The following SORCS1 variants were observed in gnomAD, a reference collection of about 807,000 sequenced individuals.
The protein encoded by SORCS1 is VPS10 domain-containing receptor SorCS1.
In SORCS1, 60 loss-of-function variants were observed where a neutral mutation model predicts 146.1. The observed-to-expected ratio is 0.41, with a 90% CI of 0.33 to 0.51. The LOEUF is 0.51. Among genes scored for constraint, SORCS1 ranks in the 20% least tolerant of loss-of-function variants. The pLI is 0.21. For synonymous variants in SORCS1, 637 were observed against 584.0 expected (o/e 1.09, Z -1.31); for missense variants, 1,352 against 1,487.6 (o/e 0.91, Z 1.50).
intron 19 of SORCS1, among the ~76,000 whole-genome samples, chr10:106,624,346 A>ATTT (rs57785797): frequency 2.9e-5 from 2 of 69,448 alleles, no homozygotes; most frequent in Admixed American, 2.1e-4. Flanking sequence ...GTCAATGACG[A>ATTT]TTTTTTTTTT....
rs796848219 is a variant in SORCS1, at chr10:106,600,397, A to G, written c.3166-2947T>C. 8.9e-5 allele frequency: 87 copies of G among 979,474 alleles called. No individual in the cohort carries two copies. The African/African-American group carries it at 1.2e-3, about 14-fold the overall frequency. 60.7% of individuals were successfully genotyped at this position (979,474 alleles called of 1,614,324 possible). A position where few individuals can be genotyped will look rare whatever the true frequency, so the allele number is the denominator to read the frequency against. On this transcript the variant is annotated intron_variant, in intron 23 of 25. Coordinates refer to ENST00000263054, the MANE Select transcript of SORCS1 (RefSeq NM_052918.5). ...TTCAACAATGAACACATGCTTTGTG[A>G]GAAAAAATTTGCATAAGAAAACAAA...
chr10:106,806,203 A>G (rs1406133490), intron 3 of SORCS1, among the ~76,000 whole-genome samples: 3 of 150,852 alleles, frequency 2.0e-5, no homozygotes, highest in Non-Finnish European at 4.4e-5. Context: ...CCCCGTCTCT[A>G]CTAAAAATGC....
intron 1 of SORCS1, among the ~76,000 whole-genome samples, chr10:107,126,526 A>C (rs113751123): frequency 2.6e-5 from 4 of 152,296 alleles, no homozygotes; most frequent in African/African-American, 9.6e-5. Context: ...AAAGAGAAGA[A>C]CCTTGTGAGA....
chr10:106,988,901 T>C (rs890022074), intron 1 of SORCS1, among the ~76,000 whole-genome samples: 1 of 152,034 alleles, frequency 6.6e-6, no homozygotes, highest in Non-Finnish European at 1.5e-5. Flanking sequence ...AATCTTGTAC[T>C]GATGAGACAA....
At chr10:106,831,026 C>T (rs1948521875) in intron 2 of SORCS1, among the ~76,000 whole-genome samples, 1 of 152,068 alleles carries the variant, frequency 6.6e-6, no homozygotes, top group South Asian at 2.1e-4. Context: ...AACCCTGTCT[C>T]TACTAAAAAT....
intron 1 of SORCS1, among the ~76,000 whole-genome samples, chr10:107,096,585 C>A (rs1964557745): frequency 6.6e-6 from 1 of 152,166 alleles, no homozygotes; most frequent in Non-Finnish European, 1.5e-5. Flanking sequence ...AATCTTGGCT[C>A]ACTGCAAGCT....
intron 2 of SORCS1, among the ~76,000 whole-genome samples, chr10:106,886,376 G>T (rs1372470744): frequency 6.6e-6 from 1 of 152,086 alleles, no homozygotes; most frequent in African/African-American, 2.4e-5. Context: ...CACCATGGTG[G>T]ATTATTTTCT....
intron 1 of SORCS1, among the ~76,000 whole-genome samples, chr10:107,098,798 G>A (rs1409104906): frequency 6.6e-6 from 1 of 152,130 alleles, no homozygotes; most frequent in Non-Finnish European, 1.5e-5. Context: ...TGGCTCTCAT[G>A]TATTACTCTG....
chr10:106,612,305 G>A lies in SORCS1; in HGVS notation c.2921-282C>T, dbSNP rs182402653. Among the ~76,000 whole-genome samples the A allele has an allele frequency of 2.3e-3, 347 of 151,662 alleles. 1 individual carries two copies. The highest frequency in any genetic ancestry group is 3.9e-3 in the Non-Finnish European group (262 of 67,840). ...CAGAGGGAGGGGGCTACAAAGCTGA[G>A]AGAGGAGACCACCCCCCCAGACTAC... On this transcript the variant is annotated intron_variant, in intron 21 of 25. Transcript: ENST00000263054.
intron 16 of SORCS1, among the ~76,000 whole-genome samples, chr10:106,668,493 G>T (rs1354531743): frequency 2.6e-5 from 4 of 152,172 alleles, no homozygotes; most frequent in African/African-American, 4.8e-5. Context: ...CCTCTGAGTT[G>T]CCTGATATTC....
chr10:106,902,043 C>CAA (rs1313705147), intron 2 of SORCS1, among the ~76,000 whole-genome samples: 7 of 122,788 alleles, frequency 5.7e-5, no homozygotes, highest in African/African-American at 2.1e-4. Flanking sequence ...GACTCTGTCT[C>CAA]AAAAAAAAAA....
chr10:106,930,526 T>C (rs565328724), intron 2 of SORCS1, among the ~76,000 whole-genome samples: 1 of 152,326 alleles, frequency 6.6e-6, no homozygotes, highest in East Asian at 1.9e-4. Context: ...TGTATGTTCA[T>C]GTGTGTATTT....
Position 106,790,568 on chromosome 10 carries a change from C to CT in SORCS1, c.727-13877dup, listed in dbSNP as rs144459865. Among the ~76,000 whole-genome samples the CT allele has an allele frequency of 3.0e-4, 45 of 152,140 alleles. 1 individual carries two copies. In the East Asian group the frequency reaches 8.5e-3, roughly 29 times the overall value. On this transcript the variant is annotated intron_variant, in intron 3 of 25. Transcript: ENST00000263054. ...TCTGGTGAGTTTCAGTTATTTGATACTTTTTTTTGAGAGGCTTGAAGGTCC... is the reference window on the plus strand; with the variant it reads ...TCTGGTGAGTTTCAGTTATTTGATACTTTTTTTTTGAGAGGCTTGAAGGTCC...
intron 3 of SORCS1, among the ~76,000 whole-genome samples, chr10:106,787,767 G>A (rs187039300): frequency 6.6e-6 from 1 of 152,310 alleles, no homozygotes; most frequent in East Asian, 1.9e-4. Context: ...TATAGGCAAG[G>A]ATCCTCATCA....
intron 2 of SORCS1, among the ~76,000 whole-genome samples, chr10:106,879,266 C>G (rs184596503): frequency 3.3e-5 from 5 of 152,328 alleles, no homozygotes; most frequent in African/African-American, 4.8e-5. Context: ...ACCCTACTCA[C>G]TTGTATCAGT....
Position 106,618,131 on chromosome 10 carries a change from A to C in SORCS1, c.2920+18T>G. The C allele has an allele frequency of 3.7e-6, 6 of 1,613,758 alleles. No individual in the cohort carries two copies. Among genetic ancestry groups the C allele is most frequent in the Non-Finnish European group, 5.1e-6 (6 of 1,179,764 alleles). On this transcript the variant is annotated intron_variant, in intron 21 of 25. Coordinates refer to ENST00000263054, the MANE Select transcript of SORCS1 (RefSeq NM_052918.5). Reference sequence around the variant, plus strand: ...TGAGCATGAAGACAGCAGTAGATCCACTGAGATGGGCACTCACCATATACT... The same window carrying C: ...TGAGCATGAAGACAGCAGTAGATCCCCTGAGATGGGCACTCACCATATACT...
At chr10:106,638,601 T>C (rs1848867618) in intron 18 of SORCS1, among the ~76,000 whole-genome samples, 1 of 152,242 alleles carries the variant, frequency 6.6e-6, no homozygotes, top group Non-Finnish European at 1.5e-5. Flanking sequence ...GCAGTCAATA[T>C]GTTTAAATAG....
chr10:107,048,737 A>G (rs1244257212), intron 1 of SORCS1, among the ~76,000 whole-genome samples: 2 of 152,140 alleles, frequency 1.3e-5, no homozygotes, highest in Non-Finnish European at 2.9e-5. Flanking sequence ...TTTTGGATGG[A>G]GTAGAAAAGC....
intron 2 of SORCS1, among the ~76,000 whole-genome samples, chr10:106,925,308 G>A (rs1347838365): frequency 6.6e-6 from 1 of 152,080 alleles, no homozygotes; most frequent in East Asian, 1.9e-4. Flanking sequence ...CACTCAGGCT[G>A]CCCTCTCTGC....
Sources: allele counts gnomAD v4.1 joint callset (sites outside exome capture counted in the v4.1 genomes callset), GRCh38; gene constraint gnomAD v4.1.1; transcripts MANE v1.5; gene names NCBI Gene and HGNC (gene_info 2026-07-23, HGNC 2026-07-21).